Variants in IL16 observed in about 807,000 individuals in gnomAD.
IL16 encodes the protein interleukin 16.
Under a neutral mutation model 110.1 loss-of-function variants are expected in IL16, and 67 were observed. That is an observed-to-expected ratio of 0.61 (90% CI 0.50 to 0.75). The LOEUF is 0.75. IL16 is among the 30% of genes least tolerant of loss of function. IL16 has a pLI of 0.00. For synonymous variants in IL16, 689 were observed against 662.9 expected, an observed-to-expected ratio of 1.04 and a Z score of -0.61; for missense variants, 1,545 against 1,655.0, an observed-to-expected ratio of 0.93 and a Z score of 1.15.
chr15:81,188,217 T>G (rs1566986637), intron 1 of IL16: 1 of 415,570 alleles, frequency 2.4e-6, no homozygotes, highest in African/African-American at 2.0e-5. Context: ...CAGCACAAAA[T>G]AGATTGCAGG....
intron 1 of IL16, among the ~76,000 whole-genome samples, chr15:81,208,890 G>A (rs1386863251): frequency 6.6e-6 from 1 of 152,070 alleles, no homozygotes; most frequent in Admixed American, 6.5e-5. Context: ...CTGTGCCTCA[G>A]TTTTCTCACC....
chr15:81,266,691 C>G (rs1259886864), intron 4 of IL16, among the ~76,000 whole-genome samples: 1 of 152,206 alleles, frequency 6.6e-6, no homozygotes, highest in African/African-American at 2.4e-5. Context: ...CTAAGGTTCT[C>G]TTTTGCCTGG....
chr15:81,292,217 G>A (rs934525046), intron 11 of IL16: 1 of 380,348 alleles, frequency 2.6e-6, no homozygotes, highest in African/African-American at 2.1e-5. Context: ...GTCTGCAGCT[G>A]TGGCAGCCCC....
intron 4 of IL16, among the ~76,000 whole-genome samples, chr15:81,268,245 A>G (rs1399103736): frequency 6.6e-6 from 1 of 152,240 alleles, no homozygotes; most frequent in Non-Finnish European, 1.5e-5. Flanking sequence ...TCCAGAGAAG[A>G]GCAGCTCGTT....
rs12441290 is a variant in IL16 at position 81,280,252 on chromosome 15, A to G, written c.1081+478A>G. ...CTCGGAGCCCTCTCTGCCTGAATGC[A>G]ACCGAACTGAGACCTGGAGGATAAA... On this transcript the variant is annotated intron_variant, in intron 8 of 18. Coordinates refer to ENST00000683961, the MANE Select transcript of IL16 (RefSeq NM_172217.5). 5.4e-3 allele frequency among the ~76,000 whole-genome samples: 828 copies of G among 152,266 alleles called. 27 individuals are homozygous for G. The highest frequency in any genetic ancestry group is 0.049 in the Admixed American group (745 of 15,300).
At chr15:81,201,046 G>T (rs911874695) in intron 1 of IL16, among the ~76,000 whole-genome samples, 1 of 152,166 alleles carries the variant, frequency 6.6e-6, no homozygotes, top group Admixed American at 6.5e-5. Context: ...TGCAGCAGTT[G>T]CTGAGAACAC....
At chr15:81,226,827 A>G (rs565063549) in intron 2 of IL16, among the ~76,000 whole-genome samples, 1 of 152,284 alleles carries the variant, frequency 6.6e-6, no homozygotes, top group East Asian at 1.9e-4. Flanking sequence ...GCCATTAATG[A>G]TGTGAAAAAA....
At chr15:81,252,171 C>T (rs1386263129) in intron 2 of IL16, among the ~76,000 whole-genome samples, 2 of 152,108 alleles carry the variant, frequency 1.3e-5, no homozygotes, top group African/African-American at 4.8e-5. Flanking sequence ...GGTAACTATA[C>T]AAACAGCAGG....
rs779450656 is a variant in IL16 at position 81,282,763 on chromosome 15, C to A, written c.1199+7C>A. 3.8e-6 allele frequency: 6 copies of A among 1,589,390 alleles called. No individual in the cohort carries two copies. Among genetic ancestry groups the A allele is most frequent in the Non-Finnish European group, 4.3e-6 (5 of 1,157,606 alleles). On this transcript the variant is annotated splice_region_variant and intron_variant, in intron 9 of 18. Coordinates refer to ENST00000683961, the MANE Select transcript of IL16 (RefSeq NM_172217.5). ...ACCTGGACGGACGTCTCCGGTATGT[C>A]CTCACTTCTGTTTCTGAATATACCC...
chr15:81,184,733 G>C (rs1386217627), intron 1 of IL16, among the ~76,000 whole-genome samples: 1 of 152,238 alleles, frequency 6.6e-6, no homozygotes, highest in Non-Finnish European at 1.5e-5. Flanking sequence ...TTCACATGCA[G>C]GGACACCTGT....
intron 12 of IL16, among the ~76,000 whole-genome samples, chr15:81,293,704 C>T (rs1899852775): frequency 1.3e-5 from 2 of 152,220 alleles, no homozygotes; most frequent in Non-Finnish European, 2.9e-5. Context: ...GCATCTCAGG[C>T]ATATTAGCAT....
At chr15:81,289,807 AT>A in intron 10 of IL16, 3 of 364,228 alleles carry the variant, frequency 8.2e-6, no homozygotes, top group South Asian at 4.2e-5. Flanking sequence ...CAATTTATCT[AT>A]TTTTTTGTTT....
rs1231717317 is a variant in IL16, at chr15:81,292,966, C to A, written c.1831C>A (p.Pro611Thr). ...PRKYFKSDSD[P>T]QKSLEERENS... The stretch of plus-strand genomic sequence containing the variant: ...AAAATACTTTAAAAGTGACAGTGAC[C>A]CTCAGAAGAGTCTGGAAGAGAGAGA... Residue 611 changes from proline (P) to threonine (T), a missense_variant, in exon 12 of 19, where the codon CCT becomes ACT. Pro to Thr is a conservative substitution (Grantham distance 38, BLOSUM62 -1). Around this residue, in one of 3 missense-constraint regions of IL16, gnomAD observed 1,185 missense variants for 1,238.8 expected, o/e 0.96. Coordinates refer to ENST00000683961, the MANE Select transcript of IL16 (RefSeq NM_172217.5). 2.5e-6 allele frequency: 4 copies of A among 1,613,886 alleles called. No homozygotes were observed. In the African/African-American group the frequency reaches 5.3e-5, roughly 22 times the overall value.
intron 1 of IL16, among the ~76,000 whole-genome samples, chr15:81,220,633 C>T (rs1896581224): frequency 6.6e-6 from 1 of 152,116 alleles, no homozygotes; most frequent in Admixed American, 6.5e-5. Context: ...ATTTTACCAG[C>T]TAGTTCTTCT....
intron 6 of IL16, among the ~76,000 whole-genome samples, chr15:81,276,980 T>C (rs921551715): frequency 2.7e-5 from 4 of 150,086 alleles, no homozygotes; most frequent in Non-Finnish European, 5.9e-5. Context: ...AAAATCATTT[T>C]AAAAAGATAA....
intron 6 of IL16, among the ~76,000 whole-genome samples, chr15:81,276,614 C>G (rs907443465): frequency 6.6e-6 from 1 of 152,222 alleles, no homozygotes; most frequent in African/African-American, 2.4e-5. Context: ...AAAAACATCT[C>G]TCACCAAAAA....
intron 8 of IL16, among the ~76,000 whole-genome samples, chr15:81,280,946 G>A (rs1899145727): frequency 6.6e-6 from 1 of 152,186 alleles, no homozygotes; most frequent in Non-Finnish European, 1.5e-5. Context: ...AACACCTTAG[G>A]GAGGATTTTT....
chr15:81,273,936 C>A (rs1360438087), intron 6 of IL16, among the ~76,000 whole-genome samples: 1 of 151,606 alleles, frequency 6.6e-6, no homozygotes, highest in African/African-American at 2.4e-5. Flanking sequence ...CCCACCCCCA[C>A]CTCCACCCTA....
chr15:81,304,344 G>T (rs1900443871), intron 16 of IL16, among the ~76,000 whole-genome samples: 2 of 152,216 alleles, frequency 1.3e-5, no homozygotes, highest in South Asian at 4.1e-4. Flanking sequence ...AGGAAAGAGA[G>T]CTTGCCTGTG....
Sources: gnomAD v4.1 joint callset for allele counts (sites outside exome capture counted in the v4.1 genomes callset) on GRCh38, gnomAD v4.1.1 for gene constraint, gnomAD v4.1.1 regional missense constraint, MANE v1.5 for transcripts, NCBI Gene and HGNC (gene_info 2026-07-23, HGNC 2026-07-21) for gene names.